Variants in REPS2 observed in about 807,000 individuals in gnomAD.
The protein encoded by REPS2 is RALBP1 associated Eps domain containing 2.
Under a neutral mutation model 53.6 loss-of-function variants are expected in REPS2, and 23 were observed. That is an observed-to-expected ratio of 0.43 (90% CI 0.31 to 0.61). The LOEUF (loss-of-function observed/expected upper bound fraction) is 0.61. Ranked by LOEUF, REPS2 falls within the 20% of genes least tolerant of loss-of-function variation. The pLI is 0.11. For missense variants in REPS2, 446 were observed against 534.9 expected, an observed-to-expected ratio of 0.83 and a Z score of 1.64; for synonymous variants, 238 against 218.6, an observed-to-expected ratio of 1.09 and a Z score of -0.78.
intron 1 of REPS2, among the ~76,000 whole-genome samples, chrX:16,965,671 G>A (rs1297573546): frequency 8.9e-6 from 1 of 112,417 alleles, no homozygotes; most frequent in African/African-American, 3.2e-5. Context: ...ATGTGATGGC[G>A]GCCGGGAAGA....
At chrX:17,196,135 G>C in the REPS2 span, among the ~76,000 whole-genome samples, 1 of 112,049 alleles carries the variant, frequency 8.9e-6, no homozygotes, top group South Asian at 3.8e-4. Context: ...ATAAGATGAA[G>C]GCCTACTGCC....
At chrX:17,168,845 A>T in the REPS2 span, among the ~76,000 whole-genome samples, 2 of 111,674 alleles carry the variant, frequency 1.8e-5, no homozygotes, top group Non-Finnish European at 3.8e-5. Flanking sequence ...GTAGTTTTGA[A>T]CTTCCTCTTA....
chrX:17,050,133 CCTTT>C (rs1269513183), intron 6 of REPS2, among the ~76,000 whole-genome samples: 1 of 36,690 alleles, frequency 2.7e-5, no homozygotes, highest in African/African-American at 9.3e-5. Flanking sequence ...TTTCTTTCTT[CCTTT>C]CTTCCTTTCT....
At chrX:17,100,119 A>G in intron 13 of REPS2, 1 of 875,426 alleles carries the variant, frequency 1.1e-6, no homozygotes. Context: ...CTGTGACGGC[A>G]GAAACTCATG....
At chrX:17,159,253 A>G in the REPS2 span, among the ~76,000 whole-genome samples, 2 of 111,802 alleles carry the variant, frequency 1.8e-5, no homozygotes, top group East Asian at 5.6e-4. Flanking sequence ...GGCAGAAGTC[A>G]TGCAGAAACA....
chrX:17,172,461 A>G, the REPS2 span, among the ~76,000 whole-genome samples: 5 of 110,977 alleles, frequency 4.5e-5, no homozygotes, highest in Non-Finnish European at 7.6e-5. Context: ...CTTCCCCTTC[A>G]CCTTCTGCCG....
At chrX:17,094,554 C>T (rs2062671084) in intron 13 of REPS2, among the ~76,000 whole-genome samples, 1 of 112,041 alleles carries the variant, frequency 8.9e-6, no homozygotes, top group African/African-American at 3.2e-5. Flanking sequence ...GCTGTTTTCT[C>T]TGTTTCTCTT....
At chrX:17,182,323 C>T in the REPS2 span, among the ~76,000 whole-genome samples, 7 of 111,267 alleles carry the variant, frequency 6.3e-5, no homozygotes, top group East Asian at 2.8e-4. Flanking sequence ...GAGATGCCTG[C>T]GGAGCCCCAG....
chrX:17,106,169 G>A (rs1422974619), intron 14 of REPS2, among the ~76,000 whole-genome samples: 1 of 111,641 alleles, frequency 9.0e-6, no homozygotes, highest in Non-Finnish European at 1.9e-5. Flanking sequence ...AAAAGCACAA[G>A]CATTCCTTTA....
Position 17,103,798 on chromosome X carries a change from T to C in REPS2, c.1578+19T>C. 2.5e-6 allele frequency: 3 copies of C among 1,190,207 alleles called. No homozygotes were observed. Among genetic ancestry groups the C allele is most frequent in the Non-Finnish European group, 2.3e-6 (2 of 876,179 alleles). On this transcript the variant is annotated intron_variant, in intron 14 of 17. Transcript: ENST00000357277. ...ATCACAGGTAGGAGACATATTTGAT[T>C]TATGTAAACTGTTCGGTGGTAGGGA... is the stretch of plus-strand genomic sequence containing the variant.
At chrX:16,998,190 A>C (rs1248306754) in intron 1 of REPS2, among the ~76,000 whole-genome samples, 2 of 111,925 alleles carry the variant, frequency 1.8e-5, no homozygotes, top group Non-Finnish European at 1.9e-5. Context: ...TTGAGGCTGC[A>C]ATGAGCTGTG....
the REPS2 span, among the ~76,000 whole-genome samples, chrX:17,178,512 A>G: frequency 2.7e-5 from 3 of 112,566 alleles, no homozygotes; most frequent in Admixed American, 2.8e-4. Context: ...CTAGACTGAC[A>G]TCTTCTGGAA....
intron 13 of REPS2, among the ~76,000 whole-genome samples, chrX:17,099,406 A>T (rs2062753740): frequency 9.0e-6 from 1 of 111,547 alleles, no homozygotes; most frequent in African/African-American, 3.3e-5. Context: ...TGTAGAGTTA[A>T]CACTATTGGG....
At chrX:17,006,747 C>A (rs1350035699) in intron 2 of REPS2, among the ~76,000 whole-genome samples, 2 of 111,591 alleles carry the variant, frequency 1.8e-5, no homozygotes, top group African/African-American at 6.5e-5. Flanking sequence ...CTTTCCCATA[C>A]CTGCCAGTGC....
chrX:17,118,685 A>G (rs1283901364), intron 14 of REPS2, among the ~76,000 whole-genome samples: 1 of 111,982 alleles, frequency 8.9e-6, no homozygotes, highest in Admixed American at 9.5e-5. Context: ...TCTGCTAAGT[A>G]AAAGTTGATT....
chrX:16,980,054 T>C (rs2061001807), intron 1 of REPS2, among the ~76,000 whole-genome samples: 1 of 110,982 alleles, frequency 9.0e-6, no homozygotes, highest in African/African-American at 3.3e-5. Flanking sequence ...TATCTTGAAA[T>C]ATTGTTTATT....
intron 2 of REPS2, among the ~76,000 whole-genome samples, chrX:17,009,411 G>A (rs1236322769): frequency 9.6e-6 from 1 of 103,930 alleles, no homozygotes; most frequent in African/African-American, 3.6e-5. Flanking sequence ...CAAGTGATTG[G>A]CCTGCCTCAG....
chrX:17,086,435 C>G (rs1294242983), intron 13 of REPS2, among the ~76,000 whole-genome samples: 1 of 112,371 alleles, frequency 8.9e-6, no homozygotes, highest in Non-Finnish European at 1.9e-5. Context: ...TTGCCTACAT[C>G]CAGTGGTGTG....
At chrX:17,191,125 T>C in the REPS2 span, among the ~76,000 whole-genome samples, 2 of 111,771 alleles carry the variant, frequency 1.8e-5, no homozygotes, top group Admixed American at 9.5e-5. Flanking sequence ...TTTATCAAAA[T>C]TAAAAATGTC....
Sources: gnomAD v4.1 joint callset for allele counts (sites outside exome capture counted in the v4.1 genomes callset) on GRCh38, gnomAD v4.1.1 for gene constraint, MANE v1.5 for transcripts, NCBI Gene and HGNC (gene_info 2026-07-23, HGNC 2026-07-21) for gene names.